HGD: variants seen among roughly 807,000 people sequenced by gnomAD.
The protein encoded by HGD is homogentisate oxidase.
In HGD, 61 loss-of-function variants were observed where a neutral mutation model predicts 60.8. The ratio of observed to expected loss-of-function variants is 1.00; its 90% CI spans 0.82 to 1.24. The LOEUF (loss-of-function observed/expected upper bound fraction) is 1.24, where lower values mean the gene tolerates loss of function less well. Ranked by LOEUF, HGD falls within the 50% of genes most tolerant of loss-of-function variation. The probability of loss-of-function intolerance (pLI) is 0.00; values close to 1 mark genes in which losing one functional copy is unlikely to be tolerated. For missense variants in HGD, 542 were observed against 547.1 expected, an observed-to-expected ratio of 0.99 and a Z score of 0.09; for synonymous variants, 212 against 187.7, an observed-to-expected ratio of 1.13 and a Z score of -1.06.
intron 1 of HGD, among the ~76,000 whole-genome samples, chr3:120,680,363 C>G (rs1212363446): frequency 1.3e-5 from 2 of 152,040 alleles, no homozygotes; most frequent in African/African-American, 4.8e-5. Flanking sequence ...GTTCAGATTC[C>G]TGACCTCTGG....
intron 4 of HGD, among the ~76,000 whole-genome samples, chr3:120,658,434 T>C (rs1013781752): frequency 6.6e-6 from 1 of 152,214 alleles, no homozygotes; most frequent in Non-Finnish European, 1.5e-5. Flanking sequence ...ACATCCAGGG[T>C]ACACTGGTGT....
intron 12 of HGD, among the ~76,000 whole-genome samples, chr3:120,636,380 G>A (rs761805298): frequency 6.6e-6 from 1 of 152,140 alleles, no homozygotes; most frequent in Non-Finnish European, 1.5e-5. Context: ...GAAATTCTGA[G>A]GATGGAGCCC....
At chr3:120,664,759 C>T (rs1212154680) in intron 4 of HGD, among the ~76,000 whole-genome samples, 1 of 152,124 alleles carries the variant, frequency 6.6e-6, no homozygotes, top group East Asian at 1.9e-4. Flanking sequence ...CTCTTGGTTA[C>T]TGGCTACATG....
In HGD at chr3:120,650,287, A is replaced by G. The variant is rs1482367553; in HGVS notation, c.434+487T>C. ...ACAGTTTGGATCTAATGTACACCTT[A>G]TATGTGTTGACTGATGTCTTATGCC... On this transcript the variant is annotated intron_variant, in intron 6 of 13. Transcript: ENST00000283871. 3.3e-5 allele frequency among the ~76,000 whole-genome samples: 5 copies of G among 152,194 alleles called. 1 individual carries two copies. The highest frequency in any genetic ancestry group is 1.2e-4 in the African/African-American group (5 of 41,430).
intron 3 of HGD, 101 bp from the exon 4 acceptor site, chr3:120,670,633 C>CAACG: frequency 1.3e-6 from 1 of 777,268 alleles, no homozygotes; most frequent in Non-Finnish European, 2.4e-6. Context: ...CTCAAGTCAA[C>CAACG]AACGACCTGT....
intron 6 of HGD, 139 bp from the exon 7 acceptor site, chr3:120,648,050 C>T: frequency 4.0e-6 from 3 of 742,168 alleles, no homozygotes; most frequent in Non-Finnish European, 7.4e-6. Flanking sequence ...ATGACCCAGG[C>T]TCTGCCCTTG....
intron 1 of HGD, among the ~76,000 whole-genome samples, chr3:120,677,560 A>T (rs1708154689): frequency 6.6e-6 from 1 of 152,216 alleles, no homozygotes; most frequent in African/African-American, 2.4e-5. Context: ...CTGTCTCCTG[A>T]TAAGATGTTA....
In HGD at chr3:120,638,601, G is replaced by T; in HGVS notation, c.880-20C>A. ...TGGGTCCTGTGAACACACAAGGAGA[G>T]ACTGAACGCATGATGCAAGGGAAGT... On this transcript the variant is annotated intron_variant, in intron 11 of 13. Coordinates refer to ENST00000283871, the MANE Select transcript of HGD (RefSeq NM_000187.4). The T allele has an allele frequency of 6.2e-7, 1 of 1,613,422 alleles. No homozygotes were observed. Among genetic ancestry groups the T allele is most frequent in the South Asian group, 1.1e-5 (1 of 91,054 alleles).
intron 11 of HGD, among the ~76,000 whole-genome samples, chr3:120,641,074 T>C (rs1365157746): frequency 6.6e-6 from 1 of 152,178 alleles, no homozygotes; most frequent in Non-Finnish European, 1.5e-5. Flanking sequence ...CTAGAATTTC[T>C]TTGGTTTAAA....
intron 13 of HGD, among the ~76,000 whole-genome samples, chr3:120,631,382 T>C (rs187056799): frequency 2.0e-5 from 3 of 152,330 alleles, no homozygotes; most frequent in East Asian, 3.9e-4. Context: ...ACACAAAGGA[T>C]AAATGCTTGA....
intron 4 of HGD, among the ~76,000 whole-genome samples, chr3:120,668,952 T>C (rs531713797): frequency 8.7e-5 from 13 of 149,584 alleles, no homozygotes; most frequent in South Asian, 4.2e-4. Context: ...TTTATAGCAC[T>C]GGGTCTATCT....
Position 120,658,394 on chromosome 3 carries a change from C to G in HGD, c.283-5743G>C, listed in dbSNP as rs142809824. On this transcript the variant is annotated intron_variant, in intron 4 of 13. Transcript: ENST00000283871. ...AGGGAAGTCATTAAATTTTAAAGCT[C>G]CAAAAAAATCTCCTTTGACCTAATG... Among the ~76,000 whole-genome samples the G allele has an allele frequency of 1.5e-4, 23 of 152,298 alleles. No individual in the cohort carries two copies. In the East Asian group the frequency reaches 4.4e-3, roughly 29 times the overall value.
intron 1 of HGD, among the ~76,000 whole-genome samples, chr3:120,678,493 C>A (rs1553722125): frequency 6.6e-6 from 1 of 152,206 alleles, no homozygotes; most frequent in Non-Finnish European, 1.5e-5. Context: ...TTCTTTGTAA[C>A]TGGTGGCCTT....
At chr3:120,668,977 T>C (rs1376045035) in intron 4 of HGD, among the ~76,000 whole-genome samples, 1 of 152,212 alleles carries the variant, frequency 6.6e-6, no homozygotes, top group Non-Finnish European at 1.5e-5. Flanking sequence ...GCTATAGTAC[T>C]GGTTCTGTCT....
At chr3:120,639,678 G>T (rs1012963283) in intron 11 of HGD, among the ~76,000 whole-genome samples, 1 of 152,148 alleles carries the variant, frequency 6.6e-6, no homozygotes, top group Non-Finnish European at 1.5e-5. Flanking sequence ...CCAAGTTTTG[G>T]TGTAGATGTG....
At chr3:120,666,487 T>C (rs373373948) in intron 4 of HGD, among the ~76,000 whole-genome samples, 3 of 152,064 alleles carry the variant, frequency 2.0e-5, no homozygotes, top group African/African-American at 2.4e-5. Context: ...ATTATTATTG[T>C]CATTATTATT....
intron 4 of HGD, among the ~76,000 whole-genome samples, chr3:120,661,164 C>A (rs1035739471): frequency 1.3e-5 from 2 of 152,156 alleles, no homozygotes; most frequent in African/African-American, 2.4e-5. Context: ...GCCCTTTGAT[C>A]TTAGCCTGTC....
intron 7 of HGD, among the ~76,000 whole-genome samples, chr3:120,647,292 C>A (rs1941196546): frequency 6.6e-6 from 1 of 152,066 alleles, no homozygotes. Context: ...TGTATATGCA[C>A]AATTTTGTGA....
At chr3:120,671,549 A>G (rs1452161520) in intron 3 of HGD, among the ~76,000 whole-genome samples, 1 of 152,200 alleles carries the variant, frequency 6.6e-6, no homozygotes, top group Non-Finnish European at 1.5e-5. Context: ...GGGAATGTAA[A>G]TTAGTTCAAC....
Sources: allele counts gnomAD v4.1 joint callset (sites outside exome capture counted in the v4.1 genomes callset), GRCh38; gene constraint gnomAD v4.1.1; transcripts MANE v1.5; gene names NCBI Gene and HGNC (gene_info 2026-07-23, HGNC 2026-07-21).